The following PRKAB2 variants were observed in gnomAD, a reference collection of about 807,000 sequenced individuals.
PRKAB2 encodes protein kinase AMP-activated non-catalytic subunit beta 2, also known as 5'-AMP-activated protein kinase subunit beta-2.
PRKAB2 carries 18 observed loss-of-function variants against 29.8 expected under a neutral mutation model. That is an observed-to-expected ratio of 0.60 (90% CI 0.42 to 0.89). The LOEUF is 0.89. PRKAB2 is among the 40% of genes least tolerant of loss of function. The pLI, the probability that PRKAB2 is intolerant of heterozygous loss-of-function variation, is 0.00. For synonymous variants in PRKAB2, 136 were observed against 125.9 expected (o/e 1.08, Z -0.54); for missense variants, 270 against 344.3 (o/e 0.78, Z 1.71).
Position 147,157,805 on chromosome 1 carries a change from T to G in PRKAB2, c.*1760A>C, listed in dbSNP as rs1442815556. 2.3e-5 allele frequency: 3 copies of G among 130,072 alleles called. No individual in the cohort carries two copies. The highest frequency in any genetic ancestry group is 4.7e-5 in the Non-Finnish European group (3 of 63,190). 8.1% of individuals were successfully genotyped at this position (130,072 alleles called of 1,614,324 possible). On this transcript the variant is annotated 3_prime_UTR_variant, in exon 8 of 8. Transcript: ENST00000254101. Reference sequence around the variant, plus strand: ...CATAAAAGGTTCTCCACAAAAGCCTTTTGCTGCAGAAGGTGGCCTTGGATG... The same window carrying G: ...CATAAAAGGTTCTCCACAAAAGCCTGTTGCTGCAGAAGGTGGCCTTGGATG...
rs192649560 is a variant in PRKAB2, at chr1:147,167,141, C to T, written c.324-202G>A. On this transcript the variant is annotated intron_variant, in intron 3 of 7. Transcript: ENST00000254101. ...TGTATTTACCAGCTCCTCCCAACAACGTTAGTTCTTAACCAATATCTGGAA... is the reference window on the plus strand; with the variant it reads ...TGTATTTACCAGCTCCTCCCAACAATGTTAGTTCTTAACCAATATCTGGAA... Among the ~76,000 whole-genome samples the T allele has an allele frequency of 5.8e-4, 89 of 152,292 alleles. 3 individuals are homozygous for T. In the East Asian group the frequency reaches 0.013, roughly 23 times the overall value.
rs1026689211 is a variant in PRKAB2, at chr1:147,166,917, G to A, written c.346C>T (p.Leu116=). The change falls in exon 4 of 8, where the codon CTG becomes TTG. Residue 116 remains leucine (L), a synonymous_variant. Transcript: ENST00000254101. ...IKSHNDFVAI[L]DLPEGEHQYK... Reference sequence around the variant, plus strand: ...TGGTGCTCTCCCTCAGGGAGGTCCAGGATGGCAACAAAGTCATTATGGCTA... The same window carrying A: ...TGGTGCTCTCCCTCAGGGAGGTCCAAGATGGCAACAAAGTCATTATGGCTA... The A allele has an allele frequency of 6.2e-7, 1 of 1,613,990 alleles. No individual in the cohort carries two copies. The highest frequency in any genetic ancestry group is 8.5e-7 in the Non-Finnish European group (1 of 1,179,894).
At chr1:147,160,121 TC>T (rs1233039487) in intron 7 of PRKAB2, among the ~76,000 whole-genome samples, 11 of 152,122 alleles carry the variant, frequency 7.2e-5, no homozygotes, top group South Asian at 4.1e-4. Flanking sequence ...TATTTCCAAG[TC>T]CCAAAGCAGG....
At position 147,170,473 on chromosome 1, in the gene PRKAB2, T is replaced by C. The variant is rs587639651; in HGVS notation, c.156+1516A>G. 2.0e-5 allele frequency among the ~76,000 whole-genome samples: 3 copies of C among 152,326 alleles called. No homozygotes were observed. The East Asian group carries it at 5.8e-4, about 29-fold the overall frequency. ...TCACCTTTCGAAAGCTTTGAAGAAG[T>C]AAATTCAGATGGCTTGTAGATAGCC... On this transcript the variant is annotated intron_variant, in intron 2 of 7. Transcript: ENST00000254101.
At chr1:147,168,439 G>A (rs1261666001) in intron 2 of PRKAB2, among the ~76,000 whole-genome samples, 1 of 152,188 alleles carries the variant, frequency 6.6e-6, no homozygotes, top group Non-Finnish European at 1.5e-5. Context: ...TTCATAAACT[G>A]TATTTCAGCT....
At position 147,155,434 on chromosome 1, in the gene PRKAB2, A is replaced by C. The variant is rs1445422308; in HGVS notation, c.*4131T>G. ...CGTGTAATACCAACCAACATGCTCC[A>C]ATGTACCAAAATTCAAACAAGTCTC... On this transcript the variant is annotated 3_prime_UTR_variant, in exon 8 of 8. Coordinates refer to ENST00000254101, the MANE Select transcript of PRKAB2 (RefSeq NM_005399.5). The C allele has an allele frequency of 6.6e-6, 1 of 152,570 alleles. No individual in the cohort carries two copies. Among genetic ancestry groups the C allele is most frequent in the Non-Finnish European group, 1.5e-5 (1 of 68,028 alleles). The allele number at this position is 152,570 out of a possible 1,614,324, so 9.5% of individuals were successfully genotyped here.
At position 147,172,176 on chromosome 1, in the gene PRKAB2, G is replaced by C. The variant is rs1553914559; in HGVS notation, c.-23-9C>G. ...AGCTCGTCGGGGACCACCTACCGCG[G>C]GGAACGACACCGGGCTGGGAACACC... On this transcript the variant is annotated splice_polypyrimidine_tract_variant and intron_variant, in intron 1 of 7. Transcript: ENST00000254101. 12 of 1,528,208 alleles carry C rather than the reference G, an allele frequency of 7.9e-6. No homozygotes were observed. In the Admixed American group the frequency reaches 2.2e-4, roughly 28 times the overall value. 94.7% of individuals were successfully genotyped at this position (1,528,208 alleles called of 1,614,324 possible).
chr1:147,163,074 G>C (rs1654053140), intron 5 of PRKAB2, among the ~76,000 whole-genome samples: 1 of 151,876 alleles, frequency 6.6e-6, no homozygotes, highest in South Asian at 2.1e-4. Flanking sequence ...AACAATGATT[G>C]CAACAATAAG....
intron 6 of PRKAB2, among the ~76,000 whole-genome samples, chr1:147,162,038 T>C (rs1265604249): frequency 1.3e-5 from 2 of 152,100 alleles, no homozygotes; most frequent in African/African-American, 4.8e-5. Context: ...AAAACAAAAA[T>C]CTTGCCCACA....
rs995172507 is a variant in PRKAB2, at chr1:147,159,092, A to T, written c.*473T>A. 2 of 158,574 alleles carry T rather than the reference A, an allele frequency of 1.3e-5. No homozygotes were observed. The highest frequency in any genetic ancestry group is 4.8e-5 in the African/African-American group (2 of 41,522). The allele number at this position is 158,574 out of a possible 1,614,324, so 9.8% of individuals were successfully genotyped here. A position where few individuals can be genotyped will look rare whatever the true frequency, so the allele number is the denominator to read the frequency against. The stretch of plus-strand genomic sequence containing the variant: ...CTCTGGGAATATAGAGAACCCATGC[A>T]AGAAAAACTGCCCTTGCAATGAGGC... On this transcript the variant is annotated 3_prime_UTR_variant, in exon 8 of 8. Coordinates refer to ENST00000254101, the MANE Select transcript of PRKAB2 (RefSeq NM_005399.5).
intron 5 of PRKAB2, 128 bp downstream of exon 5, chr1:147,166,370 T>A (rs1654249510): frequency 1.2e-6 from 1 of 866,488 alleles, no homozygotes; most frequent in Non-Finnish European, 1.6e-6. Flanking sequence ...AAAATCTCTG[T>A]CTCTCTCTCT....
rs1653693401 is a variant in PRKAB2, at chr1:147,156,732, T to C, written c.*2833A>G. ...GGTAATGTCTGACACTCTGGTAAAG[T>C]CTGCCTGACACATGAGCTTAAAGCA... is the stretch of plus-strand genomic sequence containing the variant. On this transcript the variant is annotated 3_prime_UTR_variant, in exon 8 of 8. Transcript: ENST00000254101. 6.6e-6 allele frequency: 1 copy of C among 152,094 alleles called. No homozygotes were observed. The highest frequency in any genetic ancestry group is 1.5e-5 in the Non-Finnish European group (1 of 68,014). 9.4% of individuals were successfully genotyped at this position (152,094 alleles called of 1,614,324 possible). A position where few individuals can be genotyped will look rare whatever the true frequency, so the allele number is the denominator to read the frequency against.
chr1:147,166,459 G>A, intron 5 of PRKAB2, 39 bp downstream of exon 5: 2 of 1,597,362 alleles, frequency 1.3e-6, no homozygotes, highest in South Asian at 1.1e-5. Flanking sequence ...GGAACTACAA[G>A]AAAGACACAG....
At chr1:147,165,652 G>T (rs1654207360) in intron 5 of PRKAB2, among the ~76,000 whole-genome samples, 1 of 151,980 alleles carries the variant, frequency 6.6e-6, no homozygotes, top group African/African-American at 2.4e-5. Context: ...TATAGCAATT[G>T]TAAGCAGAGA....
In PRKAB2 at chr1:147,166,552, C is replaced by T; in HGVS notation, c.484G>A (p.Val162Met). 1 of 1,614,098 alleles carries T rather than the reference C, an allele frequency of 6.2e-7. No individual in the cohort carries two copies. Among genetic ancestry groups the T allele is most frequent in the South Asian group, 1.1e-5 (1 of 91,088 alleles). ...GAATCTAACTTTAAAGCATCGAACA[C>T]CTCAAAATCAGATTTCTTGACATGG... Reference protein sequence around the residue: ...LIHVKKSDFEVFDALKLDSME... With the variant: ...LIHVKKSDFEMFDALKLDSME... The change falls in exon 5 of 8, where the codon GTG becomes ATG. Residue 162 changes from valine to methionine, a missense_variant. Val to Met is a conservative substitution (Grantham distance 21). Around this residue, in one of 2 missense-constraint regions of PRKAB2, gnomAD observed 228 missense variants for 255.5 expected, o/e 0.89. Transcript: ENST00000254101.
rs782074893 is a variant in PRKAB2 at position 147,172,085 on chromosome 1, G to A, written c.60C>T (p.Arg20=). Residue 20 remains arginine, a synonymous_variant, in exon 2 of 8, where the codon CGC becomes CGT. Transcript: ENST00000254101. ...SGERHGAKAA[R]SEGAGGHAPG... ...GGGCATGGCCGCCTGCGCCCTCGGA[G>A]CGTGCAGCCTTGGCGCCGTGGCGCT... 11 of 1,567,426 alleles carry A rather than the reference G, an allele frequency of 7.0e-6. No homozygotes were observed. In the South Asian group the frequency reaches 1.3e-4, roughly 18 times the overall value.
intron 5 of PRKAB2, 104 bp downstream of exon 5, chr1:147,166,394 C>T: frequency 7.8e-7 from 1 of 1,275,710 alleles, no homozygotes; most frequent in Non-Finnish European, 1.1e-6. Context: ...CCCCCCAACC[C>T]CCTGCTCTCT....
At chr1:147,166,978 T>C (rs1654282329) in intron 3 of PRKAB2, 39 bp from the exon 4 acceptor site, 1 of 1,515,140 alleles carries the variant, frequency 6.6e-7, no homozygotes, top group African/African-American at 1.4e-5. Flanking sequence ...GCCAAGTTCC[T>C]TTTAGAAGAC....
intron 2 of PRKAB2, among the ~76,000 whole-genome samples, chr1:147,169,903 A>T (rs1553914137): frequency 6.6e-6 from 1 of 152,228 alleles, no homozygotes; most frequent in African/African-American, 2.4e-5. Flanking sequence ...AAAGCAAAGT[A>T]GGCCCCCCTG....
Sources: gnomAD v4.1 joint callset for allele counts (sites outside exome capture counted in the v4.1 genomes callset) on GRCh38, gnomAD v4.1.1 for gene constraint, gnomAD v4.1.1 regional missense constraint, MANE v1.5 for transcripts, NCBI Gene and HGNC (gene_info 2026-07-23, HGNC 2026-07-21) for gene names.